Variants in APBA2 observed in about 807,000 individuals in gnomAD.
APBA2 encodes amyloid-beta A4 precursor protein-binding family A member 2.
In APBA2, 30 loss-of-function variants were observed where a neutral mutation model predicts 75.0. The ratio of observed to expected loss-of-function variants is 0.40; its 90% CI spans 0.30 to 0.54. The LOEUF (loss-of-function observed/expected upper bound fraction) is 0.54, where lower values mean the gene tolerates loss of function less well. Ranked by LOEUF, APBA2 falls within the 20% of genes least tolerant of loss-of-function variation. APBA2 has a pLI of 0.49. For missense variants in APBA2, 801 were observed against 1,016.1 expected (o/e 0.79, Z 2.88); for synonymous variants, 444 against 409.6 (o/e 1.08, Z -1.01).
Position 29,046,027 on chromosome 15 carries a change from G to A in APBA2, c.-40-7818G>A, listed in dbSNP as rs984111176. ...GTAATTGGAGATTCTTTGACCAGAC[G>A]TTTTGAGAGTCTGGCAGCCCGGAAA... is the stretch of plus-strand genomic sequence containing the variant. On this transcript the variant is annotated intron_variant, in intron 3 of 14. Transcript: ENST00000683413. This position sits in a 1 kb window ranked among gnomAD's most constrained non-coding sequence, Gnocchi z 5.0. Among the ~76,000 whole-genome samples the A allele has an allele frequency of 2.0e-5, 3 of 152,152 alleles. No homozygotes were observed. The highest frequency in any genetic ancestry group is 4.4e-5 in the Non-Finnish European group (3 of 68,038).
intron 1 of APBA2, among the ~76,000 whole-genome samples, chr15:28,914,861 C>G (rs1372383737): frequency 2.0e-5 from 3 of 151,888 alleles, no homozygotes; most frequent in Admixed American, 6.6e-5. Flanking sequence ...GTCGTCATCG[C>G]TGTGTGTCCC....
At chr15:28,990,466 T>C (rs1362005395) in intron 2 of APBA2, 1 of 151,436 alleles carries the variant, frequency 6.6e-6, no homozygotes, top group Non-Finnish European at 1.5e-5. Flanking sequence ...TAAGTGAGCC[T>C]CAGATAACTT....
chr15:29,065,716 C>T (rs896669298), intron 4 of APBA2, among the ~76,000 whole-genome samples: 34 of 152,172 alleles, frequency 2.2e-4, no homozygotes, highest in African/African-American at 8.2e-4. Flanking sequence ...CAAGCCAAGA[C>T]CCAAAGTGCT....
At chr15:29,013,660 C>T (rs924513964) in intron 3 of APBA2, among the ~76,000 whole-genome samples, 3 of 152,186 alleles carry the variant, frequency 2.0e-5, no homozygotes, top group African/African-American at 7.2e-5. Context: ...CTTCCACCCT[C>T]TCTTTAAGGT....
chr15:29,081,699 C>T (rs1276775010), intron 6 of APBA2, among the ~76,000 whole-genome samples: 1 of 152,226 alleles, frequency 6.6e-6, no homozygotes, highest in African/African-American at 2.4e-5. Flanking sequence ...TTTTTCCTTT[C>T]TTGCTAGATC....
At chr15:28,957,496 C>T (rs1012293364) in intron 2 of APBA2, among the ~76,000 whole-genome samples, 1 of 152,194 alleles carries the variant, frequency 6.6e-6, no homozygotes, top group Non-Finnish European at 1.5e-5. Flanking sequence ...GGCTGCACAC[C>T]ATTTTACATT....
At chr15:29,027,412 AT>A (rs1459830205) in intron 3 of APBA2, among the ~76,000 whole-genome samples, 2 of 152,072 alleles carry the variant, frequency 1.3e-5, no homozygotes, top group Non-Finnish European at 2.9e-5. Flanking sequence ...TTGCAAATTC[AT>A]TGGCATAAAG....
chr15:28,930,422 C>T (rs954606403), intron 2 of APBA2, among the ~76,000 whole-genome samples: 8 of 152,106 alleles, frequency 5.3e-5, no homozygotes, highest in East Asian at 1.9e-4. Context: ...AGCTTTCTGT[C>T]GTTCTAAGGC....
At chr15:29,073,050 G>C (rs2042693949) in intron 4 of APBA2, among the ~76,000 whole-genome samples, 1 of 152,236 alleles carries the variant, frequency 6.6e-6, no homozygotes, top group South Asian at 2.1e-4. Context: ...GGCTTAGCCA[G>C]CAATCATTCC....
intron 1 of APBA2, among the ~76,000 whole-genome samples, chr15:28,901,423 C>T (rs969655199): frequency 7.2e-5 from 11 of 151,782 alleles, no homozygotes; most frequent in Admixed American, 5.9e-4. Context: ...TCCTGGCTGG[C>T]ATTTGCACTA....
rs1016321774 is a variant in APBA2, at chr15:29,106,587, C to T, written c.1705-20C>T. ...CGGTCCTTGCCGCCAGCCCCTCTCA[C>T]ACTGCTGATCCCTTTGCAGCTGCAG... is the stretch of plus-strand genomic sequence containing the variant. On this transcript the variant is annotated intron_variant, in intron 11 of 14. Coordinates refer to ENST00000683413, the MANE Select transcript of APBA2 (RefSeq NM_001353788.2). The T allele has an allele frequency of 8.1e-6, 13 of 1,612,978 alleles. No individual in the cohort carries two copies. The highest frequency in any genetic ancestry group is 1.1e-5 in the Non-Finnish European group (13 of 1,179,912).
intron 3 of APBA2, among the ~76,000 whole-genome samples, chr15:28,999,080 G>A (rs138563037): frequency 0.011 from 1,690 of 151,924 alleles, 36 homozygotes; most frequent in African/African-American, 0.037. Context: ...CCTGGGGGGC[G>A]GAGGTTGCAG....
intron 4 of APBA2, among the ~76,000 whole-genome samples, chr15:29,062,378 A>G (rs2042166792): frequency 1.3e-5 from 2 of 152,074 alleles, no homozygotes; most frequent in Non-Finnish European, 2.9e-5. Flanking sequence ...ACCTCCTGCT[A>G]CTGATTCCCA....
chr15:29,097,388 C>T (rs1384796033), intron 8 of APBA2, among the ~76,000 whole-genome samples: 1 of 152,260 alleles, frequency 6.6e-6, no homozygotes, highest in Non-Finnish European at 1.5e-5. Context: ...CTCCCAGGTG[C>T]CTCTTACAGA....
At chr15:29,017,818 T>C (rs1343974115) in intron 3 of APBA2, among the ~76,000 whole-genome samples, 1 of 152,262 alleles carries the variant, frequency 6.6e-6, no homozygotes, top group Non-Finnish European at 1.5e-5. Context: ...ACTGTATCTT[T>C]GTGTTTCTGC....
intron 2 of APBA2, among the ~76,000 whole-genome samples, chr15:28,980,673 A>T (rs1595632912): frequency 6.6e-6 from 1 of 152,226 alleles, no homozygotes; most frequent in African/African-American, 2.4e-5. Flanking sequence ...GCCATTTTTC[A>T]CAGAGCTAGA....
chr15:29,100,368 T>C (rs2044056440), intron 9 of APBA2, among the ~76,000 whole-genome samples: 1 of 152,224 alleles, frequency 6.6e-6, no homozygotes, highest in Non-Finnish European at 1.5e-5. Context: ...TGAAGCAGCA[T>C]GCACTGCAAA....
intron 4 of APBA2, among the ~76,000 whole-genome samples, chr15:29,073,055 C>T (rs747975878): frequency 1.1e-4 from 16 of 152,262 alleles, no homozygotes; most frequent in Non-Finnish European, 2.4e-4. Context: ...AGCCAGCAAT[C>T]ATTCCAACTA....
intron 2 of APBA2, among the ~76,000 whole-genome samples, chr15:28,924,431 C>T (rs1161559372): frequency 1.3e-5 from 2 of 152,142 alleles, no homozygotes; most frequent in African/African-American, 2.4e-5. Flanking sequence ...CCTCCCTACC[C>T]CAGTCTCTGG....
Sources: allele counts gnomAD v4.1 joint callset (sites outside exome capture counted in the v4.1 genomes callset), GRCh38; gene constraint gnomAD v4.1.1; non-coding constraint Gnocchi (gnomAD v3.1); transcripts MANE v1.5; gene names NCBI Gene and HGNC (gene_info 2026-07-23, HGNC 2026-07-21).